RGS18: variants seen among roughly 807,000 people sequenced by gnomAD.
The protein encoded by RGS18 is regulator of G protein signaling 18, also known as regulator of G-protein signaling 18.
Under a neutral mutation model 27.6 loss-of-function variants are expected in RGS18, and 22 were observed. The observed-to-expected ratio is 0.80, with a 90% CI of 0.57 to 1.14. RGS18 has a LOEUF of 1.14. RGS18 is among the 50% of genes most tolerant of loss of function. RGS18 has a pLI of 0.00. For synonymous variants in RGS18, 89 were observed against 84.6 expected (o/e 1.05, Z -0.29); for missense variants, 299 against 269.6 (o/e 1.11, Z -0.76).
rs1656179052 is a variant in RGS18 at position 192,167,316 on chromosome 1, T to A, written c.283+6877T>A. ...ACTTTTCACCTTGTGGCTTTTCAAG[T>A]TACAGTTCCTAATTTTTGGTTACCA... On this transcript the variant is annotated intron_variant, in intron 3 of 4. Transcript: ENST00000367460. Among the ~76,000 whole-genome samples the A allele has an allele frequency of 2.6e-5, 4 of 152,164 alleles. No individual in the cohort carries two copies. In the South Asian group the frequency reaches 8.3e-4, roughly 32 times the overall value.
intron 3 of RGS18, chr1:192,161,564 C>T (rs1656073663): frequency 6.6e-6 from 1 of 152,136 alleles, no homozygotes; most frequent in African/African-American, 2.4e-5. Flanking sequence ...CATTACCAAA[C>T]ATCCACCTCA....
chr1:192,175,762 A>G (rs1050752800), intron 3 of RGS18, among the ~76,000 whole-genome samples: 1 of 151,866 alleles, frequency 6.6e-6, no homozygotes, highest in African/African-American at 2.4e-5. Context: ...GGGTCCCCTT[A>G]TAAAGCAGAT....
chr1:192,184,479 T>C lies in RGS18; in HGVS notation c.633T>C (p.Asn211=), dbSNP rs1157018448. The change falls in exon 5 of 5, where the codon AAT becomes AAC. Residue 211 remains asparagine (N), a synonymous_variant. Coordinates refer to ENST00000367460, the MANE Select transcript of RGS18 (RefSeq NM_130782.3). The stretch of plus-strand genomic sequence containing the variant: ...AAGGAAGACCTCAGAGACCAACAAA[T>C]CTTAGGAGACGATCACGCTCATTTA... The part of the protein sequence containing the change: ...LMEGRPQRPT[N]LRRRSRSFTC... 5 of 1,611,596 alleles carry C rather than the reference T, an allele frequency of 3.1e-6. No individual in the cohort carries two copies. Among genetic ancestry groups the C allele is most frequent in the South Asian group, 2.2e-5 (2 of 91,020 alleles).
Position 192,158,731 on chromosome 1 carries a change from G to T in RGS18, c.94G>T (p.Glu32Ter), listed in dbSNP as rs777639387. 7 of 1,574,764 alleles carry T rather than the reference G, an allele frequency of 4.4e-6. No individual in the cohort carries two copies. The highest frequency in any genetic ancestry group is 5.2e-6 in the Non-Finnish European group (6 of 1,164,830). ...GTTAATACATGGTTCAGGAAAAGAAGAAACAAGCAAAGAAGCCAAAATCAG... is the reference window on the plus strand; with the variant it reads ...GTTAATACATGGTTCAGGAAAAGAATAAACAAGCAAAGAAGCCAAAATCAG... ...FKLIHGSGKE[E>*]TSKEAKIRAK... Residue 32 changes from glutamate (E) to a stop codon, truncating the protein, a stop_gained, in exon 1 of 5, where the codon GAA (glutamate) becomes TAA (stop). Coordinates refer to ENST00000367460, the MANE Select transcript of RGS18 (RefSeq NM_130782.3). LOFTEE classifies it high-confidence loss of function.
chr1:192,180,082 A>C (rs1656425624), intron 3 of RGS18, among the ~76,000 whole-genome samples: 1 of 151,676 alleles, frequency 6.6e-6, no homozygotes, highest in Admixed American at 6.6e-5. Context: ...AAGATAGTTG[A>C]AAGAGCGTTT....
chr1:192,181,654 G>A (rs890959579), intron 4 of RGS18, among the ~76,000 whole-genome samples, 196 bp downstream of exon 4: 1 of 151,456 alleles, frequency 6.6e-6, no homozygotes, highest in Non-Finnish European at 1.5e-5. Context: ...GATAAAATCA[G>A]AGTTAGCATA....
chr1:192,163,866 T>C (rs1472173380), intron 3 of RGS18, among the ~76,000 whole-genome samples: 1 of 70,604 alleles, frequency 1.4e-5, no homozygotes, highest in Non-Finnish European at 4.0e-5. Flanking sequence ...AATATATATA[T>C]ATATTTTTTT....
rs1299989032 is a variant in RGS18 at position 192,158,550 on chromosome 1, T to C, written c.-88T>C. 8.7e-7 allele frequency: 1 copy of C among 1,143,342 alleles called. No homozygotes were observed. The highest frequency in any genetic ancestry group is 1.6e-5 in the African/African-American group (1 of 61,280). 70.8% of individuals were successfully genotyped at this position (1,143,342 alleles called of 1,614,324 possible). ...CTGTAAGAGTTGTGATAACTTTTTA[T>C]TCTACTATGTATATGTATGGAATAG... On this transcript the variant is annotated 5_prime_UTR_variant, in exon 1 of 5. Coordinates refer to ENST00000367460, the MANE Select transcript of RGS18 (RefSeq NM_130782.3).
intron 3 of RGS18, among the ~76,000 whole-genome samples, chr1:192,174,416 A>G (rs1185670174): frequency 6.6e-6 from 1 of 151,808 alleles, no homozygotes; most frequent in Non-Finnish European, 1.5e-5. Flanking sequence ...TTGGTAGATC[A>G]TTTTGTAATT....
chr1:192,166,987 G>A (rs536431599), intron 3 of RGS18, among the ~76,000 whole-genome samples: 9 of 152,240 alleles, frequency 5.9e-5, no homozygotes, highest in South Asian at 2.1e-4. Flanking sequence ...CCACTACTAC[G>A]TAACTGTTCC....
intron 4 of RGS18, among the ~76,000 whole-genome samples, chr1:192,182,859 A>C (rs753056597): frequency 5.3e-5 from 8 of 151,606 alleles, no homozygotes; most frequent in Non-Finnish European, 8.9e-5. Flanking sequence ...ATTTTGGCTC[A>C]TCTATTTATA....
Position 192,178,746 on chromosome 1 carries a change from T to A in RGS18, c.284-2546T>A, listed in dbSNP as rs1571393394. 2.6e-5 allele frequency among the ~76,000 whole-genome samples: 4 copies of A among 151,778 alleles called. No individual in the cohort carries two copies. The East Asian group carries it at 7.8e-4, about 30-fold the overall frequency. On this transcript the variant is annotated intron_variant, in intron 3 of 4. Transcript: ENST00000367460. ...AAAACTTAATCAAAGATTTTATATC[T>A]GTAAGGAGAAAAGATATGTCAGTAG...
Position 192,158,587 on chromosome 1 carries a change from G to T in RGS18, c.-51G>T. On this transcript the variant is annotated 5_prime_UTR_variant, in exon 1 of 5. It removes an upstream start codon present in the reference 5' UTR. Transcript: ENST00000367460. ...TATGTATGGAATAGTATTAATAAAT[G>T]AACTAGGGAAGGATGTAATAAATTA... 1 of 1,448,786 alleles carries T rather than the reference G, an allele frequency of 6.9e-7. No individual in the cohort carries two copies. The highest frequency in any genetic ancestry group is 1.5e-5 in the African/African-American group (1 of 68,694). The allele number at this position is 1,448,786 out of a possible 1,614,324, so 89.7% of individuals were successfully genotyped here.
intron 3 of RGS18, among the ~76,000 whole-genome samples, chr1:192,172,864 C>CATATATATATATATATATAT (rs549568195): frequency 3.0e-4 from 40 of 135,528 alleles, no homozygotes; most frequent in East Asian, 1.9e-3. Flanking sequence ...GAAAAATATG[C>CATATATATATATATATATAT]ATATATATAT....
In RGS18 at chr1:192,185,030, T is replaced by C. The variant is rs1278608950; in HGVS notation, c.*476T>C. On this transcript the variant is annotated 3_prime_UTR_variant, in exon 5 of 5. Coordinates refer to ENST00000367460, the MANE Select transcript of RGS18 (RefSeq NM_130782.3). ...GGTAATAGTGTAGAAGTGATCTGGT[T>C]CTTACAATGGGAGATGAAGAACATT... The C allele has an allele frequency of 6.3e-6, 1 of 158,640 alleles. No homozygotes were observed. Among genetic ancestry groups the C allele is most frequent in the East Asian group, 1.8e-4 (1 of 5,454 alleles). 9.8% of individuals were successfully genotyped at this position (158,640 alleles called of 1,614,324 possible). A position where few individuals can be genotyped will look rare whatever the true frequency, so the allele number is the denominator to read the frequency against.
At chr1:192,173,018 T>TAA (rs968943702) in intron 3 of RGS18, among the ~76,000 whole-genome samples, 50 of 151,252 alleles carry the variant, frequency 3.3e-4, no homozygotes, top group Non-Finnish European at 6.1e-4. Context: ...GTAATGTATA[T>TAA]AAGTAACACT....
At chr1:192,178,536 G>T (rs979587639) in intron 3 of RGS18, among the ~76,000 whole-genome samples, 18 of 151,554 alleles carry the variant, frequency 1.2e-4, no homozygotes, top group Admixed American at 3.3e-4. Flanking sequence ...AGAATTACAG[G>T]CAATTCTCTA....
At chr1:192,165,236 T>C (rs965724266) in intron 3 of RGS18, among the ~76,000 whole-genome samples, 1 of 152,126 alleles carries the variant, frequency 6.6e-6, no homozygotes, top group Non-Finnish European at 1.5e-5. Flanking sequence ...CTTGCTAGGA[T>C]TAGGAAATTC....
chr1:192,177,689 A>G (rs1157231304), intron 3 of RGS18, among the ~76,000 whole-genome samples: 1 of 151,748 alleles, frequency 6.6e-6, no homozygotes, highest in African/African-American at 2.4e-5. Context: ...CTCAATGAAT[A>G]TAGGCTGTAT....
Sources: gnomAD v4.1 joint callset for allele counts (sites outside exome capture counted in the v4.1 genomes callset) on GRCh38, gnomAD v4.1.1 for gene constraint, MANE v1.5 for transcripts, NCBI Gene and HGNC (gene_info 2026-07-23, HGNC 2026-07-21) for gene names.